Variants in PITPNC1 observed in about 807,000 individuals in gnomAD.
PITPNC1 encodes the protein cytoplasmic phosphatidylinositol transfer protein 1.
PITPNC1 carries 18 observed loss-of-function variants against 44.7 expected under a neutral mutation model. That is an observed-to-expected ratio of 0.40 (90% CI 0.28 to 0.60). PITPNC1 has a LOEUF of 0.60. Among genes scored for constraint, PITPNC1 ranks in the 20% least tolerant of loss-of-function variants. PITPNC1 has a pLI of 0.39. For missense variants in PITPNC1, 290 were observed against 418.4 expected (o/e 0.69, Z 2.68); for synonymous variants, 141 against 149.6 (o/e 0.94, Z 0.42).
chr17:67,454,112 C>T (rs999106810), intron 1 of PITPNC1, among the ~76,000 whole-genome samples: 1 of 152,004 alleles, frequency 6.6e-6, no homozygotes, highest in African/African-American at 2.4e-5. Context: ...TTACCTGGGC[C>T]TGGTGGCGGG....
intron 1 of PITPNC1, among the ~76,000 whole-genome samples, chr17:67,443,225 CTCTGCTG>C (rs769998711): frequency 1.3e-5 from 2 of 152,044 alleles, no homozygotes; most frequent in African/African-American, 4.8e-5. Context: ...TTTGTCCATG[CTCTGCTG>C]TCTGCCTGAA....
chr17:67,669,475 A>G, intron 6 of PITPNC1, 33 bp from the exon 7 acceptor site: 1 of 1,415,152 alleles, frequency 7.1e-7, no homozygotes, highest in Non-Finnish European at 9.6e-7. Context: ...CAAACTTTTA[A>G]TATATCAATT....
chr17:67,526,273 G>A (rs1034125388), intron 1 of PITPNC1, among the ~76,000 whole-genome samples: 1 of 152,182 alleles, frequency 6.6e-6, no homozygotes, highest in African/African-American at 2.4e-5. Context: ...AGGGTGAAGT[G>A]AAAATCAGTG....
chr17:67,669,614 A>G lies in PITPNC1; in HGVS notation c.569A>G (p.Lys190Arg). 2 of 1,604,690 alleles carry G rather than the reference A, an allele frequency of 1.2e-6. No homozygotes were observed. Among genetic ancestry groups the G allele is most frequent in the Non-Finnish European group, 1.7e-6 (2 of 1,175,386 alleles). The change falls in exon 7 of 9, where the codon AAG becomes AGG. Residue 190 changes from lysine to arginine, a missense_variant. Transcript: ENST00000581322. ...IMCSYKLVTV[K>R]FEVWGLQTRV... is the part of the protein sequence containing the mutation. ...TGCTCCTACAAGCTGGTGACTGTGA[A>G]GTTTGAGGTCTGGGGGCTTCAGACC...
Position 67,692,992 on chromosome 17 carries a change from G to A in PITPNC1, c.*104G>A, listed in dbSNP as rs2042957387. ...AAAGACTGCTTTGTCACTCAAACAT[G>A]TTCCTTCGACCTTTCAGTGTGCATG... On this transcript the variant is annotated 3_prime_UTR_variant, in exon 9 of 9. Transcript: ENST00000581322. 9.4e-6 allele frequency: 7 copies of A among 748,184 alleles called. No homozygotes were observed. The highest frequency in any genetic ancestry group is 5.1e-5 in the Admixed American group (2 of 39,136). 46.3% of individuals were successfully genotyped at this position (748,184 alleles called of 1,614,324 possible).
intron 2 of PITPNC1, among the ~76,000 whole-genome samples, chr17:67,546,510 A>G (rs2040685978): frequency 6.6e-6 from 1 of 152,064 alleles, no homozygotes; most frequent in East Asian, 1.9e-4. Flanking sequence ...CCTGGTTGGG[A>G]TCTCAGAGGT....
chr17:67,645,935 G>T (rs992722009), intron 6 of PITPNC1, among the ~76,000 whole-genome samples: 1 of 152,154 alleles, frequency 6.6e-6, no homozygotes, highest in Non-Finnish European at 1.5e-5. Context: ...GACCAGCCTG[G>T]CCAACCTGGC....
chr17:67,478,601 C>A (rs972367875), intron 1 of PITPNC1, among the ~76,000 whole-genome samples: 2 of 152,064 alleles, frequency 1.3e-5, no homozygotes, highest in Non-Finnish European at 2.9e-5. Context: ...CCTTCCTCCC[C>A]CAAAGAAAAA....
In PITPNC1 at chr17:67,476,673, T is replaced by TG. The variant is rs563905852; in HGVS notation, c.49-56125dup. 2.4e-4 allele frequency among the ~76,000 whole-genome samples: 37 copies of TG among 152,188 alleles called. No individual in the cohort carries two copies. The East Asian group carries it at 7.0e-3, about 29-fold the overall frequency. On this transcript the variant is annotated intron_variant, in intron 1 of 8. Coordinates refer to ENST00000581322, the MANE Select transcript of PITPNC1 (RefSeq NM_012417.4). ...ATTTTTGTTTATTTTTTTGTAGAGATGGGGTCTCACTATGTTGCCCAGGCT... is the reference window on the plus strand; with the variant it reads ...ATTTTTGTTTATTTTTTTGTAGAGATGGGGGTCTCACTATGTTGCCCAGGCT...
In PITPNC1 at chr17:67,543,939, C is replaced by T. The variant is rs2040642461; in HGVS notation, c.198-8318C>T. ...AATCTTGGCTCACTGCAACCTCCGCCTCCCAGGTTCAAGCGATTCTCCCGC... is the reference window on the plus strand; with the variant it reads ...AATCTTGGCTCACTGCAACCTCCGCTTCCCAGGTTCAAGCGATTCTCCCGC... On this transcript the variant is annotated intron_variant, in intron 2 of 8. Coordinates refer to ENST00000581322, the MANE Select transcript of PITPNC1 (RefSeq NM_012417.4). 3.3e-5 allele frequency among the ~76,000 whole-genome samples: 5 copies of T among 152,174 alleles called. No homozygotes were observed. The South Asian group carries it at 1.0e-3, about 31-fold the overall frequency.
intron 1 of PITPNC1, among the ~76,000 whole-genome samples, chr17:67,423,399 C>G (rs969207289): frequency 5.3e-5 from 8 of 152,152 alleles, no homozygotes; most frequent in Non-Finnish European, 1.2e-4. Context: ...GCCTGGAGCA[C>G]CCCGGTGACC....
At chr17:67,472,988 G>T (rs949293629) in intron 1 of PITPNC1, among the ~76,000 whole-genome samples, 1 of 151,076 alleles carries the variant, frequency 6.6e-6, no homozygotes, top group African/African-American at 2.4e-5. Context: ...CCATTCTCCT[G>T]CCTCAGCCTC....
intron 1 of PITPNC1, chr17:67,378,938 G>C (rs1377314394): frequency 2.0e-6 from 2 of 981,940 alleles, no homozygotes; most frequent in Admixed American, 6.2e-5. Flanking sequence ...GCTGCCGGCT[G>C]GGGGCGCCGG....
chr17:67,442,820 A>C (rs2039034648), intron 1 of PITPNC1, among the ~76,000 whole-genome samples: 1 of 151,994 alleles, frequency 6.6e-6, no homozygotes, highest in South Asian at 2.1e-4. Context: ...GCATCACTGC[A>C]CTACAGCCTG....
chr17:67,487,285 T>C (rs1325140577), intron 1 of PITPNC1, among the ~76,000 whole-genome samples: 36 of 151,908 alleles, frequency 2.4e-4, no homozygotes, highest in Admixed American at 2.4e-3. Flanking sequence ...AGCAATTCTC[T>C]TGCCACAGCC....
chr17:67,687,582 G>T (rs894436700), intron 8 of PITPNC1, among the ~76,000 whole-genome samples: 2 of 152,162 alleles, frequency 1.3e-5, no homozygotes, highest in Non-Finnish European at 2.9e-5. Flanking sequence ...AGGGCTTCTG[G>T]CTCATCAGCT....
intron 1 of PITPNC1, among the ~76,000 whole-genome samples, chr17:67,405,492 A>G (rs1057421243): frequency 6.6e-6 from 1 of 151,970 alleles, no homozygotes; most frequent in South Asian, 2.1e-4. Context: ...CTGTTCAAAA[A>G]TTTTTATTTT....
chr17:67,512,479 C>T (rs1367588382), intron 1 of PITPNC1, among the ~76,000 whole-genome samples: 16 of 126,674 alleles, frequency 1.3e-4, no homozygotes, highest in East Asian at 4.4e-4. Context: ...CTAGCCTGGG[C>T]GACAGAGTGA....
intron 1 of PITPNC1, among the ~76,000 whole-genome samples, chr17:67,488,396 G>C (rs986542130): frequency 6.6e-6 from 1 of 152,148 alleles, no homozygotes; most frequent in African/African-American, 2.4e-5. Flanking sequence ...GAGTTACAAG[G>C]CTCTGTAACT....
Sources: allele counts gnomAD v4.1 joint callset (sites outside exome capture counted in the v4.1 genomes callset), GRCh38; gene constraint gnomAD v4.1.1; transcripts MANE v1.5; gene names NCBI Gene and HGNC (gene_info 2026-07-23, HGNC 2026-07-21).